The following GREB1L variants were observed in gnomAD, a reference collection of about 807,000 sequenced individuals.
GREB1L encodes the protein GREB1-like protein.
GREB1L carries 17 observed loss-of-function variants against 200.8 expected under a neutral mutation model. The observed-to-expected ratio is 0.08, with a 90% CI of 0.06 to 0.13. The LOEUF (loss-of-function observed/expected upper bound fraction) is 0.13, where lower values mean the gene tolerates loss of function less well. GREB1L is among the 10% of genes least tolerant of loss of function. The pLI is 1.00. For missense variants in GREB1L, 1,657 were observed against 2,367.7 expected, an observed-to-expected ratio of 0.70 and a Z score of 6.23; for synonymous variants, 789 against 893.0, an observed-to-expected ratio of 0.88 and a Z score of 2.08.
chr18:21,492,982 A>G (rs2036400238), intron 19 of GREB1L, among the ~76,000 whole-genome samples: 2 of 152,194 alleles, frequency 1.3e-5, no homozygotes, highest in African/African-American at 4.8e-5. Context: ...CAAGTCCCAA[A>G]TTCTCAAAAT....
chr18:21,401,233 A>G lies in GREB1L; in HGVS notation c.616A>G (p.Thr206Ala), dbSNP rs745527426. ...TTCCAACCACATTAACTTGAAGCTC[A>G]CCACTCAGCCAAAGAAGCAGAAGCA... ...EFSNHINLKL[T>A]TQPKKQKHLK... Residue 206 changes from threonine (T) to alanine (A), a missense_variant, in exon 6 of 33, where the codon ACC becomes GCC. By Grantham distance (58) the Thr-to-Ala change is moderately conservative. This residue lies in a region of GREB1L where 70 missense variants were observed against 151.3 expected (regional missense o/e 0.46). Transcript: ENST00000424526. 6 of 1,550,398 alleles carry G rather than the reference A, an allele frequency of 3.9e-6. No individual in the cohort carries two copies. The Admixed American group carries it at 1.2e-4, about 30-fold the overall frequency.
chr18:21,481,439 A>ATGTGTGTGTG (rs34711292), intron 17 of GREB1L, among the ~76,000 whole-genome samples: 24 of 127,550 alleles, frequency 1.9e-4, no homozygotes, highest in Admixed American at 4.0e-4. Flanking sequence ...GTATATATGT[A>ATGTGTGTGTG]TGTGTGTGTG....
chr18:21,483,588 T>A (rs542504516), intron 17 of GREB1L, among the ~76,000 whole-genome samples: 21 of 152,244 alleles, frequency 1.4e-4, no homozygotes, highest in African/African-American at 5.1e-4. Flanking sequence ...GGGGGGGACC[T>A]CAAAAAATTA....
intron 1 of GREB1L, among the ~76,000 whole-genome samples, chr18:21,298,893 C>T (rs1020630162): frequency 1.3e-5 from 2 of 151,818 alleles, no homozygotes; most frequent in African/African-American, 4.8e-5. Flanking sequence ...TGTGATCATG[C>T]CACTGTACCC....
intron 5 of GREB1L, among the ~76,000 whole-genome samples, chr18:21,397,524 CA>C (rs10719044): frequency 0.033 from 3,387 of 103,310 alleles, 54 homozygotes; most frequent in Non-Finnish European, 0.05. Context: ...GACTCCGTCT[CA>C]AAAAAAAAAA....
rs1376757851 is a variant in GREB1L, at chr18:21,413,841, G to T, written c.832+9847G>T. On this transcript the variant is annotated intron_variant, in intron 7 of 32. Transcript: ENST00000424526. ...AGCATGAGGAAGAATATCCCACTTT[G>T]TGGAAATGAAGAAACCCATAAGTAA... Among the ~76,000 whole-genome samples the T allele has an allele frequency of 1.3e-5, 2 of 152,160 alleles. 1 individual carries two copies.
chr18:21,417,015 A>C (rs2031704689), intron 7 of GREB1L, among the ~76,000 whole-genome samples: 2 of 152,040 alleles, frequency 1.3e-5, no homozygotes, highest in Admixed American at 1.3e-4. Context: ...GCAAGACTCC[A>C]TCTCAAATAA....
chr18:21,303,703 G>T (rs774668181), intron 1 of GREB1L, among the ~76,000 whole-genome samples: 5 of 152,208 alleles, frequency 3.3e-5, no homozygotes, highest in Admixed American at 6.5e-5. Flanking sequence ...TTACTGTAAA[G>T]AAGTCAGCCC....
At chr18:21,372,127 C>T (rs1030826449) in intron 2 of GREB1L, among the ~76,000 whole-genome samples, 4 of 150,326 alleles carry the variant, frequency 2.7e-5, no homozygotes, top group Admixed American at 6.6e-5. Flanking sequence ...TAGAAAACTA[C>T]GAAGTTATAC....
intron 1 of GREB1L, among the ~76,000 whole-genome samples, chr18:21,348,234 C>T (rs1369720251): frequency 2.0e-5 from 3 of 151,872 alleles, no homozygotes; most frequent in South Asian, 2.1e-4. Flanking sequence ...CGTGAGCCAC[C>T]GCGCCTGGCT....
chr18:21,438,147 G>A (rs536271945), intron 7 of GREB1L, among the ~76,000 whole-genome samples: 3 of 152,062 alleles, frequency 2.0e-5, no homozygotes, highest in Non-Finnish European at 4.4e-5. Flanking sequence ...GGTGATACAT[G>A]CCTGTAGCCC....
intron 1 of GREB1L, among the ~76,000 whole-genome samples, chr18:21,264,609 C>T (rs567100602): frequency 2.1e-4 from 32 of 152,190 alleles, no homozygotes; most frequent in African/African-American, 7.2e-4. Context: ...TGCTTTAATC[C>T]GAAACTAGTT....
intron 17 of GREB1L, among the ~76,000 whole-genome samples, chr18:21,478,301 GA>G (rs1411531462): frequency 6.6e-6 from 1 of 151,974 alleles, no homozygotes; most frequent in African/African-American, 2.4e-5. Flanking sequence ...CTCTAATATT[GA>G]AAAATATTTT....
At chr18:21,388,432 GTTTA>G (rs1456586479) in intron 4 of GREB1L, among the ~76,000 whole-genome samples, 6 of 149,444 alleles carry the variant, frequency 4.0e-5, no homozygotes, top group African/African-American at 4.9e-5. Context: ...AAAGTCCACA[GTTTA>G]TTTGAGTTCC....
At chr18:21,346,222 C>G (rs1375514704) in intron 1 of GREB1L, among the ~76,000 whole-genome samples, 1 of 152,090 alleles carries the variant, frequency 6.6e-6, no homozygotes, top group Non-Finnish European at 1.5e-5. Context: ...CCAGGCTCAT[C>G]CCACCCTCTG....
intron 1 of GREB1L, among the ~76,000 whole-genome samples, chr18:21,350,849 C>T (rs142108331): frequency 1.3e-3 from 196 of 152,158 alleles, no homozygotes; most frequent in African/African-American, 4.6e-3. Context: ...CGTAAAAAAC[C>T]TTGCTGGAAA....
intron 1 of GREB1L, among the ~76,000 whole-genome samples, chr18:21,264,696 C>T (rs1211221159): frequency 2.0e-5 from 3 of 150,414 alleles, no homozygotes; most frequent in Non-Finnish European, 3.0e-5. Context: ...CCTTCACCCC[C>T]GCCCCACGCC....
intron 1 of GREB1L, among the ~76,000 whole-genome samples, chr18:21,295,927 A>G (rs758587248): frequency 1.2e-4 from 18 of 152,222 alleles, no homozygotes; most frequent in Non-Finnish European, 2.5e-4. Context: ...TCAAAAAACA[A>G]TGGATGCTGG....
At chr18:21,434,230 T>C (rs1438586231) in intron 7 of GREB1L, among the ~76,000 whole-genome samples, 1 of 152,126 alleles carries the variant, frequency 6.6e-6, no homozygotes, top group East Asian at 1.9e-4. Flanking sequence ...ATCCCAGCAC[T>C]TTGGGAGGCC....
Sources: gnomAD v4.1 joint callset for allele counts (sites outside exome capture counted in the v4.1 genomes callset) on GRCh38, gnomAD v4.1.1 for gene constraint, gnomAD v4.1.1 regional missense constraint, MANE v1.5 for transcripts, NCBI Gene and HGNC (gene_info 2026-07-23, HGNC 2026-07-21) for gene names.